Variants in AGK observed in about 807,000 individuals in gnomAD.
The protein encoded by AGK is acylglycerol kinase, mitochondrial.
Under a neutral mutation model 66.4 loss-of-function variants are expected in AGK, and 52 were observed. The observed-to-expected ratio is 0.78, with a 90% CI of 0.63 to 0.99. The LOEUF (loss-of-function observed/expected upper bound fraction) is 0.99, where lower values mean the gene tolerates loss of function less well. AGK is among the 50% of genes least tolerant of loss of function. The pLI is 0.00. For missense variants in AGK, 451 were observed against 506.6 expected, an observed-to-expected ratio of 0.89 and a Z score of 1.05; for synonymous variants, 182 against 181.1, an observed-to-expected ratio of 1.00 and a Z score of -0.04.
At chr7:141,629,832 C>T (rs1370216118) in intron 9 of AGK, among the ~76,000 whole-genome samples, 1 of 151,946 alleles carries the variant, frequency 6.6e-6, no homozygotes, top group African/African-American at 2.4e-5. Context: ...CAGTCGGCAA[C>T]CCTCAGTACT....
At chr7:141,556,509 C>G (rs961317704) in intron 2 of AGK, among the ~76,000 whole-genome samples, 3 of 147,814 alleles carry the variant, frequency 2.0e-5, no homozygotes, top group Non-Finnish European at 4.4e-5. Flanking sequence ...CCACTGCACT[C>G]TAGCCTGGGT....
At chr7:141,652,302 ATGT>A (rs1214388971) in intron 15 of AGK, 1 of 155,604 alleles carries the variant, frequency 6.4e-6, no homozygotes, top group African/African-American at 2.4e-5. Context: ...AATGATATTA[ATGT>A]TGATACACCT....
chr7:141,557,687 AGT>A (rs1795241919), intron 2 of AGK, among the ~76,000 whole-genome samples: 1 of 152,214 alleles, frequency 6.6e-6, no homozygotes, highest in Admixed American at 6.5e-5. Flanking sequence ...TTGAGCCAGA[AGT>A]GTGGTGGCAG....
intron 11 of AGK, among the ~76,000 whole-genome samples, chr7:141,638,688 A>G (rs1797224861): frequency 6.6e-6 from 1 of 152,106 alleles, no homozygotes; most frequent in Non-Finnish European, 1.5e-5. Context: ...AAGTCAGAAG[A>G]ATGTAGGATT....
chr7:141,556,574 T>C (rs1795216165), intron 2 of AGK, among the ~76,000 whole-genome samples: 1 of 151,292 alleles, frequency 6.6e-6, no homozygotes, highest in Admixed American at 6.6e-5. Flanking sequence ...ATGGGAGGCA[T>C]GTTTGCCCCA....
intron 2 of AGK, among the ~76,000 whole-genome samples, chr7:141,563,403 T>C (rs1440613670): frequency 2.0e-5 from 3 of 152,246 alleles, no homozygotes; most frequent in Admixed American, 1.3e-4. Context: ...TATCTGGCTA[T>C]CCAATAAAAC....
At chr7:141,578,257 TCTGG>T (rs1161475338) in intron 2 of AGK, among the ~76,000 whole-genome samples, 2 of 151,566 alleles carry the variant, frequency 1.3e-5, no homozygotes, top group Non-Finnish European at 2.9e-5. Context: ...GGGCTTGTTC[TCTGG>T]CTGGCAGGGG....
At chr7:141,613,009 T>C (rs1177782315) in intron 6 of AGK, among the ~76,000 whole-genome samples, 1 of 152,214 alleles carries the variant, frequency 6.6e-6, no homozygotes, top group South Asian at 2.1e-4. Context: ...TTAGTCATTA[T>C]GTGAGCCTTA....
At chr7:141,628,439 A>G (rs1201136097) in intron 9 of AGK, among the ~76,000 whole-genome samples, 1 of 152,222 alleles carries the variant, frequency 6.6e-6, no homozygotes, top group Non-Finnish European at 1.5e-5. Flanking sequence ...ATATGGGGAA[A>G]AAGATTATAG....
At chr7:141,595,018 G>C (rs1056091631) in intron 3 of AGK, among the ~76,000 whole-genome samples, 1 of 152,202 alleles carries the variant, frequency 6.6e-6, no homozygotes, top group Admixed American at 6.5e-5. Flanking sequence ...ACAAATGGAA[G>C]TGGATCTGTC....
intron 2 of AGK, among the ~76,000 whole-genome samples, chr7:141,592,629 A>G (rs997631593): frequency 3.4e-4 from 51 of 152,154 alleles, no homozygotes; most frequent in African/African-American, 1.2e-3. Context: ...ATATGGAAAT[A>G]TTTAACACAG....
chr7:141,591,205 G>C (rs1442080830), intron 2 of AGK, among the ~76,000 whole-genome samples: 1 of 143,760 alleles, frequency 7.0e-6, no homozygotes, highest in Non-Finnish European at 1.5e-5. Flanking sequence ...CAATTCTCCT[G>C]CCTCAGCCTC....
At chr7:141,593,243 C>T in intron 3 of AGK, 58 bp downstream of exon 3, 2 of 1,504,702 alleles carry the variant, frequency 1.3e-6, no homozygotes, top group South Asian at 2.3e-5. Flanking sequence ...GTGCAGAAAA[C>T]TTAAGCTCTT....
In AGK at chr7:141,633,376, A is replaced by G. The variant is rs191311069; in HGVS notation, c.589-525A>G. ...AAACTCACTGATTATAATATGCAGT[A>G]TTTGGCCATAAAGCATTGGACCAAA... On this transcript the variant is annotated intron_variant, in intron 9 of 15. Transcript: ENST00000649286. 2.6e-5 allele frequency among the ~76,000 whole-genome samples: 4 copies of G among 152,346 alleles called. 1 individual carries two copies. Among genetic ancestry groups the G allele is most frequent in the Middle Eastern group, 3.4e-3 (1 of 294 alleles).
intron 4 of AGK, among the ~76,000 whole-genome samples, chr7:141,597,890 CAAAAAAAAAAAAAA>C (rs56295907): frequency 7.0e-5 from 5 of 71,436 alleles, no homozygotes; most frequent in African/African-American, 7.7e-5. Context: ...GACTCTGTCT[CAAAAAAAAAAAAAA>C]AAAAAAAAAA....
intron 10 of AGK, among the ~76,000 whole-genome samples, chr7:141,634,941 A>C (rs1476276907): frequency 6.6e-6 from 1 of 151,932 alleles, no homozygotes; most frequent in Non-Finnish European, 1.5e-5. Context: ...ATATTATATT[A>C]CACATTGCAT....
intron 2 of AGK, among the ~76,000 whole-genome samples, chr7:141,564,076 T>A (rs1184049893): frequency 6.6e-6 from 1 of 152,196 alleles, no homozygotes; most frequent in East Asian, 1.9e-4. Context: ...TCTTCCCACT[T>A]CAGCCGCCTG....
chr7:141,607,998 C>A (rs939682943), intron 5 of AGK, among the ~76,000 whole-genome samples: 1 of 151,858 alleles, frequency 6.6e-6, no homozygotes, highest in Non-Finnish European at 1.5e-5. Flanking sequence ...ATTCATACAC[C>A]TTTTCACATT....
chr7:141,620,860 C>G (rs938867416), intron 8 of AGK, among the ~76,000 whole-genome samples: 1 of 152,188 alleles, frequency 6.6e-6, no homozygotes, highest in African/African-American at 2.4e-5. Flanking sequence ...GGCCTGTCCT[C>G]AGGAGAAACA....
Sources: allele counts gnomAD v4.1 joint callset (sites outside exome capture counted in the v4.1 genomes callset), GRCh38; gene constraint gnomAD v4.1.1; transcripts MANE v1.5; gene names NCBI Gene and HGNC (gene_info 2026-07-23, HGNC 2026-07-21).